CPS1: variants seen among roughly 807,000 people sequenced by gnomAD.
CPS1 encodes the protein carbamoyl-phosphate synthase [ammonia], mitochondrial.
CPS1 carries 109 observed loss-of-function variants against 174.6 expected under a neutral mutation model. The ratio of observed to expected loss-of-function variants is 0.62; its 90% CI spans 0.53 to 0.73. CPS1 has a LOEUF of 0.73. CPS1 is among the 30% of genes least tolerant of loss of function. The pLI is 0.00. For synonymous variants in CPS1, 637 were observed against 632.0 expected, an observed-to-expected ratio of 1.01 and a Z score of -0.12; for missense variants, 1,689 against 1,821.9, an observed-to-expected ratio of 0.93 and a Z score of 1.33.
intron 1 of CPS1, among the ~76,000 whole-genome samples, chr2:210,571,104 A>G (rs889796927): frequency 2.0e-5 from 3 of 151,950 alleles, no homozygotes; most frequent in Non-Finnish European, 4.4e-5. Context: ...TATTAAGATC[A>G]TTTCTTCCAT....
chr2:210,516,737 AT>A lies in CPS1; in HGVS notation c.3+38972del, dbSNP rs1171891090. On this transcript the variant is annotated intron_variant, in intron 1 of 38. Coordinates refer to the CPS1 transcript ENST00000430249. ...ATGGGCTACTGGATCAGGTCTTGCT[AT>A]CTTTATATATGCTGTTCTCTCTATC... is the stretch of plus-strand genomic sequence containing the variant. Among the ~76,000 whole-genome samples the A allele has an allele frequency of 3.3e-5, 5 of 152,022 alleles. No homozygotes were observed. In the South Asian group the frequency reaches 8.3e-4, roughly 25 times the overall value.
chr2:210,523,354 C>G (rs527630927), intron 1 of CPS1, among the ~76,000 whole-genome samples: 6 of 152,084 alleles, frequency 3.9e-5, no homozygotes, highest in South Asian at 2.1e-4. Context: ...CATTTGCACA[C>G]TTTATTAATT....
chr2:210,581,327 A>C (rs1177843393), intron 5 of CPS1, among the ~76,000 whole-genome samples: 2 of 152,164 alleles, frequency 1.3e-5, no homozygotes, highest in Non-Finnish European at 2.9e-5. Flanking sequence ...TGTTAGGTTA[A>C]AACGAGCCCT....
intron 24 of CPS1, among the ~76,000 whole-genome samples, chr2:210,641,017 T>C (rs1700206797): frequency 6.6e-6 from 1 of 152,214 alleles, no homozygotes; most frequent in Non-Finnish European, 1.5e-5. Context: ...TCTCTGCTTC[T>C]AAGATGGCGC....
rs1559129372 is a variant in CPS1 at position 210,654,103 on chromosome 2, G to C, written c.3558+1G>C. 6.2e-7 allele frequency: 1 copy of C among 1,613,538 alleles called. No homozygotes were observed. Among genetic ancestry groups the C allele is most frequent in the Non-Finnish European group, 8.5e-7 (1 of 1,179,508 alleles). ...GGACGCTGTTGGCAAAGATGGAAGG[G>C]TAAGTGCTTTATTCTCATCTCCTTC... is the stretch of plus-strand genomic sequence containing the variant. On this transcript the variant is annotated splice_donor_variant, in intron 29 of 37. Coordinates refer to ENST00000233072, the MANE Select transcript of CPS1 (RefSeq NM_001875.5). LOFTEE classifies it high-confidence loss of function.
At chr2:210,543,211 A>C (rs1046904287) in intron 1 of CPS1, among the ~76,000 whole-genome samples, 1 of 152,174 alleles carries the variant, frequency 6.6e-6, no homozygotes, top group African/African-American at 2.4e-5. Flanking sequence ...GTGCATCTCT[A>C]TACAGCAATT....
At chr2:210,506,979 C>A in intron 1 of CPS1, among the ~76,000 whole-genome samples, 1 of 152,162 alleles carries the variant, frequency 6.6e-6, no homozygotes, top group Non-Finnish European at 1.5e-5. Context: ...GAGAACTTCC[C>A]TAATCTAGCA....
chr2:210,643,732 T>G (rs548054845), intron 25 of CPS1, among the ~76,000 whole-genome samples: 4 of 152,246 alleles, frequency 2.6e-5, no homozygotes, highest in Admixed American at 6.5e-5. Flanking sequence ...AGTTGTCTAC[T>G]TGGGCCTGGC....
chr2:210,556,591 G>A, upstream of CPS1: 1 of 1,490,316 alleles, frequency 6.7e-7, no homozygotes. Context: ...CAGAATGAAT[G>A]GAAATTCAAA....
chr2:210,481,718 T>C (rs1205926376), intron 1 of CPS1, among the ~76,000 whole-genome samples: 1 of 152,254 alleles, frequency 6.6e-6, no homozygotes, highest in Non-Finnish European at 1.5e-5. Context: ...ACGTTATTTG[T>C]GCTTCATTTT....
intron 21 of CPS1, chr2:210,617,594 TG>T (rs1699354672): frequency 6.6e-6 from 1 of 152,054 alleles, no homozygotes; most frequent in African/African-American, 2.4e-5. Context: ...CTTTTCTTTT[TG>T]AGAAAAATTA....
chr2:210,628,104 A>C (rs1453749835), intron 21 of CPS1, among the ~76,000 whole-genome samples: 1 of 152,170 alleles, frequency 6.6e-6, no homozygotes, highest in Non-Finnish European at 1.5e-5. Flanking sequence ...TAATGATGAT[A>C]ATGTAATGGC....
At chr2:210,511,753 G>T (rs764854304) in intron 1 of CPS1, among the ~76,000 whole-genome samples, 3 of 152,036 alleles carry the variant, frequency 2.0e-5, no homozygotes, top group African/African-American at 7.2e-5. Context: ...ACCTGGTTGA[G>T]GGTAAATACA....
At chr2:210,523,971 C>T (rs369901055) in intron 1 of CPS1, among the ~76,000 whole-genome samples, 3 of 151,930 alleles carry the variant, frequency 2.0e-5, no homozygotes, top group Non-Finnish European at 4.4e-5. Flanking sequence ...AAATGCAGTC[C>T]GCATTCTATG....
intron 1 of CPS1, among the ~76,000 whole-genome samples, chr2:210,564,618 C>A (rs936811060): frequency 6.6e-6 from 1 of 152,168 alleles, no homozygotes; most frequent in South Asian, 2.1e-4. Flanking sequence ...CCTTGTGATC[C>A]GCCCGCCTCG....
chr2:210,579,809 G>GGGGTGTGT, intron 5 of CPS1, 39 bp downstream of exon 5: 1 of 1,338,030 alleles, frequency 7.5e-7, no homozygotes, highest in Non-Finnish European at 1.1e-6. Flanking sequence ...TGTTTCTTCG[G>GGGGTGTGT]GTGTGTGTGT....
chr2:210,501,976 G>GCT (rs1303670992), intron 1 of CPS1, among the ~76,000 whole-genome samples: 1 of 152,144 alleles, frequency 6.6e-6, no homozygotes, highest in African/African-American at 2.4e-5. Flanking sequence ...GTTCCACATG[G>GCT]CTGGAGAGCC....
chr2:210,566,774 A>T (rs2106058830), intron 1 of CPS1, among the ~76,000 whole-genome samples: 1 of 152,200 alleles, frequency 6.6e-6, no homozygotes, highest in East Asian at 1.9e-4. Flanking sequence ...TTTTGTGAAG[A>T]TTAGATGAGA....
intron 1 of CPS1, among the ~76,000 whole-genome samples, chr2:210,569,843 G>T (rs1174496848): frequency 6.6e-6 from 1 of 151,774 alleles, no homozygotes; most frequent in Admixed American, 6.6e-5. Flanking sequence ...GATTTCCTTT[G>T]TACTTCCCCT....
Sources: gnomAD v4.1 joint callset for allele counts (sites outside exome capture counted in the v4.1 genomes callset) on GRCh38, gnomAD v4.1.1 for gene constraint, MANE v1.5 for transcripts, NCBI Gene and HGNC (gene_info 2026-07-23, HGNC 2026-07-21) for gene names.